TCERG1: variants seen among roughly 807,000 people sequenced by gnomAD.
TCERG1 encodes TATA box binding protein (TBP)-associated factor, RNA polymerase II, S, 150kD.
In TCERG1, 37 loss-of-function variants were observed where a neutral mutation model predicts 144.7. The observed-to-expected ratio is 0.26, with a 90% CI of 0.20 to 0.34. TCERG1 has a LOEUF of 0.34. Among genes scored for constraint, TCERG1 ranks in the 10% least tolerant of loss-of-function variants. The pLI is 1.00. For missense variants in TCERG1, 1,027 were observed against 1,380.7 expected (o/e 0.74, Z 4.06); for synonymous variants, 492 against 458.2 (o/e 1.07, Z -0.94).
At position 146,470,595 on chromosome 5, in the gene TCERG1, G is replaced by A. The variant is rs778277076; in HGVS notation, c.1400-41G>A. ...TCTCTGAAAGTTCTTAGAAAATTAC[G>A]TCAAAACCTTTGAGTGACATTATCT... On this transcript the variant is annotated intron_variant, in intron 7 of 22. Coordinates refer to ENST00000679501, the MANE Select transcript of TCERG1 (RefSeq NM_001382548.1). 45 of 1,530,876 alleles carry A rather than the reference G, an allele frequency of 2.9e-5. No individual in the cohort carries two copies. The Middle Eastern group carries it at 9.3e-4, about 32-fold the overall frequency. 94.8% of individuals were successfully genotyped at this position (1,530,876 alleles called of 1,614,324 possible).
intron 17 of TCERG1, among the ~76,000 whole-genome samples, chr5:146,502,633 G>A (rs1051183184): frequency 4.6e-5 from 7 of 152,076 alleles, no homozygotes; most frequent in African/African-American, 1.4e-4. Context: ...TATTTCAGTT[G>A]TTGAGTATAA....
intron 9 of TCERG1, among the ~76,000 whole-genome samples, chr5:146,472,568 G>T (rs898041401): frequency 6.6e-6 from 1 of 152,232 alleles, no homozygotes; most frequent in Non-Finnish European, 1.5e-5. Flanking sequence ...CCGACCGGCT[G>T]TTCCCCATCT....
intron 15 of TCERG1, among the ~76,000 whole-genome samples, chr5:146,488,299 C>A (rs1311082276): frequency 6.6e-6 from 1 of 152,106 alleles, no homozygotes; most frequent in East Asian, 1.9e-4. Context: ...GTGAAGACAT[C>A]CTACAGAATG....
intron 16 of TCERG1, among the ~76,000 whole-genome samples, chr5:146,498,328 A>T (rs1239022773): frequency 6.6e-6 from 1 of 151,460 alleles, no homozygotes; most frequent in Admixed American, 6.6e-5. Context: ...TCCTAATTCT[A>T]TGCTGATAGC....
At chr5:146,500,590 G>A (rs1767333488) in intron 17 of TCERG1, among the ~76,000 whole-genome samples, 1 of 152,178 alleles carries the variant, frequency 6.6e-6, no homozygotes, top group African/African-American at 2.4e-5. Flanking sequence ...GAAAACCTGT[G>A]AAGAACATTG....
In TCERG1 at chr5:146,510,425, CT is replaced by C; in HGVS notation, c.3147-11del. ...ACAGCAGTCAGTAATTCTTGGACTT[CT>C]TTTTCTTATTTCAGATCCAAAAAAT... On this transcript the variant is annotated splice_polypyrimidine_tract_variant and intron_variant, in intron 22 of 22. Coordinates refer to ENST00000679501, the MANE Select transcript of TCERG1 (RefSeq NM_001382548.1). 2 of 1,572,402 alleles carry C rather than the reference CT, an allele frequency of 1.3e-6. No homozygotes were observed. The highest frequency in any genetic ancestry group is 1.7e-6 in the Non-Finnish European group (2 of 1,149,688).
At position 146,447,518 on chromosome 5, in the gene TCERG1, G is replaced by A; in HGVS notation, c.59+110G>A. 2.8e-6 allele frequency: 4 copies of A among 1,410,782 alleles called. No individual in the cohort carries two copies. The South Asian group carries it at 5.1e-5, about 18-fold the overall frequency. The allele number at this position is 1,410,782 out of a possible 1,614,324, so 87.4% of individuals were successfully genotyped here. On this transcript the variant is annotated intron_variant, in intron 1 of 22. Transcript: ENST00000679501. Reference sequence around the variant, plus strand: ...CGGACGGTGGGTAGCGGAGCCGGGCGGCCCGGGCCGGGACCGCATGGGGTT... The same window carrying A: ...CGGACGGTGGGTAGCGGAGCCGGGCAGCCCGGGCCGGGACCGCATGGGGTT...
Position 146,469,706 on chromosome 5 carries a change from A to C in TCERG1, c.1361A>C (p.Glu454Ala). 1 of 1,610,394 alleles carries C rather than the reference A, an allele frequency of 6.2e-7. No individual in the cohort carries two copies. Among genetic ancestry groups the C allele is most frequent in the Non-Finnish European group, 8.5e-7 (1 of 1,178,454 alleles). The change falls in exon 7 of 23, where the codon GAA (glutamate) becomes GCA (alanine). Residue 454 changes from glutamate (E) to alanine (A), a missense_variant. Glu to Ala is a moderately radical substitution (Grantham distance 107). This residue lies in a region of TCERG1 where 482 missense variants were observed against 632.6 expected (regional missense o/e 0.76). Transcript: ENST00000679501. ...KTYYYNNRTL[E>A]STWEKPQELK... ...TATTATTATAATAATAGAACATTAG[A>C]ATCAACCTGGGAAAAACCCCAAGAA...
Position 146,482,718 on chromosome 5 carries a change from A to G in TCERG1, c.2064A>G (p.Leu688=). ...ARMKQFKDML[L]ERGVSAFSTW... ...TGAAGCAGTTCAAGGACATGCTGCTAGAGAGAGGGGTCAGAAAACAATCTT... is the reference window on the plus strand; with the variant it reads ...TGAAGCAGTTCAAGGACATGCTGCTGGAGAGAGGGGTCAGAAAACAATCTT... Residue 688 remains leucine (L), a synonymous_variant, in exon 14 of 23, where the codon CTA becomes CTG. Transcript: ENST00000679501. 1 of 1,607,988 alleles carries G rather than the reference A, an allele frequency of 6.2e-7. No homozygotes were observed.
intron 6 of TCERG1, 79 bp downstream of exon 6, chr5:146,468,482 A>AT (rs2150369380): frequency 1.4e-6 from 2 of 1,390,444 alleles, no homozygotes; most frequent in East Asian, 2.4e-5. Context: ...CCTTTTATTT[A>AT]TTTTTTGCCC....
chr5:146,452,730 C>T (rs144671395), intron 1 of TCERG1, among the ~76,000 whole-genome samples: 99 of 152,334 alleles, frequency 6.5e-4, no homozygotes, highest in Middle Eastern at 3.4e-3. Flanking sequence ...GCTGAGATTA[C>T]AGGCGTGCAC....
At chr5:146,499,724 C>T (rs1343550943) in intron 17 of TCERG1, 1 of 152,128 alleles carries the variant, frequency 6.6e-6, no homozygotes, top group Non-Finnish European at 1.5e-5. Flanking sequence ...TGTATGATTG[C>T]TTTTATAGAA....
chr5:146,500,867 T>C (rs926506225), intron 17 of TCERG1, among the ~76,000 whole-genome samples: 44 of 151,874 alleles, frequency 2.9e-4, no homozygotes, highest in Non-Finnish European at 2.9e-4. Context: ...AAATAGCTGG[T>C]TGTAGTGATG....
intron 9 of TCERG1, among the ~76,000 whole-genome samples, chr5:146,473,251 A>G (rs1764516815): frequency 6.6e-6 from 1 of 152,222 alleles, no homozygotes; most frequent in East Asian, 1.9e-4. Flanking sequence ...ACAACATTTC[A>G]TTAAGCCAAA....
At position 146,489,899 on chromosome 5, in the gene TCERG1, A is replaced by G. The variant is rs1002464685; in HGVS notation, c.2164-3021A>G. On this transcript the variant is annotated intron_variant, in intron 15 of 22. Coordinates refer to ENST00000679501, the MANE Select transcript of TCERG1 (RefSeq NM_001382548.1). ...CACAAATTAGGAGCAACTTGGAAGCATAACACAACCCCTAATTTTCTATGA... is the reference window on the plus strand; with the variant it reads ...CACAAATTAGGAGCAACTTGGAAGCGTAACACAACCCCTAATTTTCTATGA... 2.6e-5 allele frequency among the ~76,000 whole-genome samples: 4 copies of G among 152,320 alleles called. No individual in the cohort carries two copies. The East Asian group carries it at 5.8e-4, about 22-fold the overall frequency.
chr5:146,509,597 C>T (rs1241699680), intron 22 of TCERG1, among the ~76,000 whole-genome samples: 1 of 151,028 alleles, frequency 6.6e-6, no homozygotes, highest in Non-Finnish European at 1.5e-5. Flanking sequence ...TATCAGTTAT[C>T]TTTGCCTCCT....
Position 146,460,436 on chromosome 5 carries a change from T to A in TCERG1, c.892+1099T>A, listed in dbSNP as rs557991811. On this transcript the variant is annotated intron_variant, in intron 4 of 22. Transcript: ENST00000679501. Reference sequence around the variant, plus strand: ...AGTACTTAAATAATGATTTTTTTATTTGATTATTTGTTATGGCACTTGTCT... The same window carrying A: ...AGTACTTAAATAATGATTTTTTTATATGATTATTTGTTATGGCACTTGTCT... Among the ~76,000 whole-genome samples the A allele has an allele frequency of 5.4e-5, 8 of 147,410 alleles. No homozygotes were observed. In the South Asian group the frequency reaches 1.3e-3, roughly 24 times the overall value.
intron 2 of TCERG1, among the ~76,000 whole-genome samples, chr5:146,456,128 G>A (rs988484686): frequency 6.6e-6 from 1 of 152,170 alleles, no homozygotes; most frequent in East Asian, 1.9e-4. Flanking sequence ...TTCTGTTTAG[G>A]TAGGGTTGTG....
At chr5:146,494,634 G>A (rs547909763) in intron 16 of TCERG1, among the ~76,000 whole-genome samples, 90 of 152,144 alleles carry the variant, frequency 5.9e-4, no homozygotes, top group Non-Finnish European at 1.0e-3. Flanking sequence ...AAGAATGCAA[G>A]GAGGAAAAAC....
Sources: allele counts gnomAD v4.1 joint callset (sites outside exome capture counted in the v4.1 genomes callset), GRCh38; gene constraint gnomAD v4.1.1; regional missense constraint gnomAD v4.1.1; transcripts MANE v1.5; gene names NCBI Gene and HGNC (gene_info 2026-07-23, HGNC 2026-07-21).